The following CGRRF1 variants were observed in gnomAD, a reference collection of about 807,000 sequenced individuals.
CGRRF1 encodes cell growth regulator with RING finger domain protein 1.
In CGRRF1, 32 loss-of-function variants were observed where a neutral mutation model predicts 37.2. The ratio of observed to expected loss-of-function variants is 0.86; its 90% CI spans 0.65 to 1.16. CGRRF1 has a LOEUF of 1.16. Ranked by LOEUF, CGRRF1 falls within the 50% of genes most tolerant of loss-of-function variation. The pLI is 0.00. For synonymous variants in CGRRF1, 141 were observed against 140.3 expected (o/e 1.00, Z -0.04); for missense variants, 391 against 382.6 (o/e 1.02, Z -0.18).
chr14:54,519,404 A>G (rs948655983), intron 1 of CGRRF1, among the ~76,000 whole-genome samples: 10 of 147,472 alleles, frequency 6.8e-5, no homozygotes, highest in African/African-American at 2.0e-4. Context: ...TGCCCAACTA[A>G]TTTTCCATTT....
At chr14:54,534,674 C>G (rs920337762) in intron 4 of CGRRF1, among the ~76,000 whole-genome samples, 8 of 152,148 alleles carry the variant, frequency 5.3e-5, no homozygotes, top group African/African-American at 1.7e-4. Context: ...GTTAGCATTT[C>G]TGTCCTTTGC....
chr14:54,520,943 G>A (rs115609073), intron 1 of CGRRF1, among the ~76,000 whole-genome samples: 1,944 of 152,094 alleles, frequency 0.013, 47 homozygotes, highest in African/African-American at 0.044. Flanking sequence ...TAACTGTGCC[G>A]TCTTTAACTA....
intron 1 of CGRRF1, among the ~76,000 whole-genome samples, chr14:54,515,307 T>A (rs1051129587): frequency 9.2e-5 from 14 of 151,956 alleles, no homozygotes; most frequent in Non-Finnish European, 1.8e-4. Context: ...TTGGCCAGGA[T>A]GGTCTCGATC....
intron 1 of CGRRF1, among the ~76,000 whole-genome samples, chr14:54,521,497 A>C (rs1266714730): frequency 6.6e-6 from 1 of 151,446 alleles, no homozygotes; most frequent in African/African-American, 2.4e-5. Context: ...CATAAATCAT[A>C]TTAGTCTGCC....
intron 4 of CGRRF1, among the ~76,000 whole-genome samples, chr14:54,532,203 G>C (rs1052738890): frequency 2.0e-5 from 3 of 152,102 alleles, no homozygotes; most frequent in African/African-American, 2.4e-5. Context: ...TTGAGCTTTG[G>C]AAGGTAAAGA....
intron 1 of CGRRF1, among the ~76,000 whole-genome samples, chr14:54,514,866 T>C (rs2032189665): frequency 6.6e-6 from 1 of 152,176 alleles, no homozygotes; most frequent in South Asian, 2.1e-4. Flanking sequence ...ACCTCTAAGT[T>C]ATTTAGAAGT....
intron 1 of CGRRF1, among the ~76,000 whole-genome samples, chr14:54,518,269 G>C (rs2140056261): frequency 6.6e-6 from 1 of 152,302 alleles, no homozygotes; most frequent in South Asian, 2.1e-4. Context: ...TTTTAGGCCA[G>C]GCGCAGTGGC....
chr14:54,518,928 G>GTTGTT lies in CGRRF1; in HGVS notation c.105-3499_105-3495dup, dbSNP rs557229779. 1.3e-3 allele frequency among the ~76,000 whole-genome samples: 191 copies of GTTGTT among 152,072 alleles called. 1 individual carries two copies. The highest frequency in any genetic ancestry group is 5.0e-3 in the East Asian group (26 of 5,174). ...ACCTCCAGACCAGGACTAGGTTTTT[G>GTTGTT]TTGTTTTGTTTTGTTTTGTTTTGTT... is the stretch of plus-strand genomic sequence containing the variant. On this transcript the variant is annotated intron_variant, in intron 1 of 5. Transcript: ENST00000216420.
intron 1 of CGRRF1, among the ~76,000 whole-genome samples, chr14:54,515,028 T>C (rs1004888012): frequency 1.3e-5 from 2 of 152,024 alleles, no homozygotes; most frequent in African/African-American, 2.4e-5. Flanking sequence ...ATTCTCTCTT[T>C]GGTAAATGTC....
intron 5 of CGRRF1, 21 bp downstream of exon 5, chr14:54,537,850 T>A (rs890583718): frequency 8.2e-6 from 13 of 1,580,976 alleles, no homozygotes; most frequent in Non-Finnish European, 9.4e-6. Context: ...CTCTGTAGTC[T>A]TATCTCTGTC....
rs1365365387 is a variant in CGRRF1, at chr14:54,538,308, C to T, written c.924C>T (p.Cys308=). 1 of 1,614,108 alleles carries T rather than the reference C, an allele frequency of 6.2e-7. No individual in the cohort carries two copies. The highest frequency in any genetic ancestry group is 8.5e-7 in the Non-Finnish European group (1 of 1,179,972). Residue 308 remains cysteine, a synonymous_variant, in exon 6 of 6, where the codon TGC becomes TGT. Transcript: ENST00000216420. ...AGTATTTTCAGCAGTGCCCAATGTGCAGGCAGTTTGTTCAGGAATCTTTTG... is the reference window on the plus strand; with the variant it reads ...AGTATTTTCAGCAGTGCCCAATGTGTAGGCAGTTTGTTCAGGAATCTTTTG... ...CVKYFQQCPM[C]RQFVQESFAL...
At position 54,509,943 on chromosome 14, in the gene CGRRF1, C is replaced by CCAGAG; in HGVS notation, c.-16_-15insAGAGC. Reference sequence around the variant, plus strand: ...GCTCCGCGGCTGGAGCCGGGCTCTACCCAGAGCAAGACCCTGATGGCTGCG... The same window carrying CCAGAG: ...GCTCCGCGGCTGGAGCCGGGCTCTACCAGAGCCAGAGCAAGACCCTGATGGCTGCG... On this transcript the variant is annotated 5_prime_UTR_variant, in exon 1 of 6. Coordinates refer to ENST00000216420, the MANE Select transcript of CGRRF1 (RefSeq NM_006568.3). 1 of 1,588,468 alleles carries CCAGAG rather than the reference C, an allele frequency of 6.3e-7. No homozygotes were observed. Among genetic ancestry groups the CCAGAG allele is most frequent in the Non-Finnish European group, 8.6e-7 (1 of 1,156,768 alleles).
At chr14:54,517,314 C>G (rs1017826833) in intron 1 of CGRRF1, among the ~76,000 whole-genome samples, 3 of 152,114 alleles carry the variant, frequency 2.0e-5, no homozygotes, top group Non-Finnish European at 4.4e-5. Flanking sequence ...TGTTAAGTTA[C>G]TCAGAAATAG....
Position 54,537,788 on chromosome 14 carries a change from C to G in CGRRF1, c.637C>G (p.Gln213Glu). ...TAAACTATCCTGCAGAATATTGTAT[C>G]AATATTTACTCTTGGCTCAAGGTCA... ...TYKLSCRILY[Q>E]YLLLAQGQFH... is the part of the protein sequence containing the mutation. The change falls in exon 5 of 6, where the codon CAA becomes GAA. Residue 213 changes from glutamine to glutamate, a missense_variant. Transcript: ENST00000216420. The G allele has an allele frequency of 1.7e-5, 27 of 1,601,628 alleles. No individual in the cohort carries two copies. Among genetic ancestry groups the G allele is most frequent in the Non-Finnish European group, 2.3e-5 (27 of 1,176,680 alleles).
intron 3 of CGRRF1, 112 bp downstream of exon 3, chr14:54,530,338 A>T: frequency 7.6e-7 from 1 of 1,308,990 alleles, no homozygotes. Context: ...TTATTGCTTC[A>T]GAATAAGCAC....
chr14:54,519,161 G>T (rs2032271136), intron 1 of CGRRF1, among the ~76,000 whole-genome samples: 1 of 151,724 alleles, frequency 6.6e-6, no homozygotes, highest in Non-Finnish European at 1.5e-5. Flanking sequence ...GTTCAAGCTG[G>T]TCTTGAACTC....
At chr14:54,536,940 T>A (rs2032609992) in intron 4 of CGRRF1, 1 of 152,206 alleles carries the variant, frequency 6.6e-6, no homozygotes, top group South Asian at 2.1e-4. Context: ...GATTTTCTTC[T>A]AGTACTTGTA....
intron 1 of CGRRF1, among the ~76,000 whole-genome samples, chr14:54,522,140 A>G (rs534321482): frequency 6.6e-6 from 1 of 152,326 alleles, no homozygotes; most frequent in Admixed American, 6.5e-5. Context: ...TTATCTCTAG[A>G]TTACTTACAC....
intron 2 of CGRRF1, among the ~76,000 whole-genome samples, chr14:54,523,724 G>C (rs1177727760): frequency 6.6e-6 from 1 of 152,162 alleles, no homozygotes; most frequent in Admixed American, 6.5e-5. Flanking sequence ...TTAGAAAAAT[G>C]AGGAGTACAG....
Sources: allele counts gnomAD v4.1 joint callset (sites outside exome capture counted in the v4.1 genomes callset), GRCh38; gene constraint gnomAD v4.1.1; transcripts MANE v1.5; gene names NCBI Gene and HGNC (gene_info 2026-07-23, HGNC 2026-07-21).